The following ANKRD13C variants were observed in gnomAD, a reference collection of about 807,000 sequenced individuals.
ANKRD13C encodes ankyrin repeat domain 13C, also known as ankyrin repeat domain-containing protein 13C.
Under a neutral mutation model 65.5 loss-of-function variants are expected in ANKRD13C, and 16 were observed. That is an observed-to-expected ratio of 0.24 (90% CI 0.17 to 0.37). The LOEUF (loss-of-function observed/expected upper bound fraction) is 0.37. ANKRD13C is among the 10% of genes least tolerant of loss of function. ANKRD13C has a pLI of 1.00. For missense variants in ANKRD13C, 503 were observed against 655.9 expected, an observed-to-expected ratio of 0.77 and a Z score of 2.55; for synonymous variants, 235 against 238.7, an observed-to-expected ratio of 0.98 and a Z score of 0.14.
chr1:70,273,353 T>C (rs1678979569), intron 11 of ANKRD13C, among the ~76,000 whole-genome samples: 1 of 152,220 alleles, frequency 6.6e-6, no homozygotes, highest in South Asian at 2.1e-4. Context: ...CAGTGCTTCA[T>C]CTCCTCCCTC....
At chr1:70,301,047 C>T (rs1412814598) in intron 6 of ANKRD13C, 139 bp from the exon 7 acceptor site, 9 of 749,256 alleles carry the variant, frequency 1.2e-5, no homozygotes, top group Non-Finnish European at 1.8e-5. Context: ...TAGATAAAAA[C>T]AAATTTATAG....
intron 12 of ANKRD13C, among the ~76,000 whole-genome samples, chr1:70,264,199 G>A (rs759070116): frequency 6.6e-6 from 1 of 152,096 alleles, no homozygotes; most frequent in Non-Finnish European, 1.5e-5. Context: ...AATTAGGCTG[G>A]GCGTGGTGGC....
chr1:70,287,553 G>A (rs1679676554), intron 9 of ANKRD13C, among the ~76,000 whole-genome samples: 1 of 152,056 alleles, frequency 6.6e-6, no homozygotes, highest in Non-Finnish European at 1.5e-5. Context: ...CTCAGATTTG[G>A]CATGTGACAT....
chr1:70,345,200 C>A (rs1298663679), intron 1 of ANKRD13C, among the ~76,000 whole-genome samples: 1 of 152,072 alleles, frequency 6.6e-6, no homozygotes. Context: ...GAGGACGAGG[C>A]AAGCAGATCA....
chr1:70,271,715 G>C (rs1421873275), intron 11 of ANKRD13C, among the ~76,000 whole-genome samples: 1 of 152,146 alleles, frequency 6.6e-6, no homozygotes, highest in Non-Finnish European at 1.5e-5. Context: ...GTTTGATCAG[G>C]ATAATTTTTG....
At chr1:70,283,716 G>C (rs959401736) in intron 9 of ANKRD13C, among the ~76,000 whole-genome samples, 42 of 152,134 alleles carry the variant, frequency 2.8e-4, no homozygotes, top group Middle Eastern at 3.4e-3. Flanking sequence ...GCTGAGGCAG[G>C]AGAATTGCTT....
At chr1:70,341,046 G>A (rs1209615498) in intron 1 of ANKRD13C, among the ~76,000 whole-genome samples, 1 of 152,148 alleles carries the variant, frequency 6.6e-6, no homozygotes, top group African/African-American at 2.4e-5. Flanking sequence ...GGAGGCGGAG[G>A]TTGCAGTCAG....
At chr1:70,339,677 CT>C (rs1344671406) in intron 1 of ANKRD13C, among the ~76,000 whole-genome samples, 6 of 151,836 alleles carry the variant, frequency 4.0e-5, no homozygotes, top group Non-Finnish European at 7.4e-5. Context: ...TTGTTTATCT[CT>C]TTTCATTTAT....
At chr1:70,281,587 T>C (rs1452447439) in intron 9 of ANKRD13C, among the ~76,000 whole-genome samples, 2 of 151,408 alleles carry the variant, frequency 1.3e-5, no homozygotes, top group African/African-American at 4.9e-5. Context: ...TTTTTTTTTG[T>C]AGAGACAGAG....
chr1:70,339,823 T>C (rs1426632410), intron 1 of ANKRD13C, among the ~76,000 whole-genome samples: 2 of 96,194 alleles, frequency 2.1e-5, no homozygotes, highest in African/African-American at 7.9e-5. Context: ...TTATTATTAT[T>C]ATTATTATTA....
At chr1:70,301,220 T>TAC (rs879725799) in intron 6 of ANKRD13C, among the ~76,000 whole-genome samples, 2 of 147,470 alleles carry the variant, frequency 1.4e-5, no homozygotes, top group Admixed American at 6.6e-5. Flanking sequence ...CATATATATA[T>TAC]ACACACACAT....
rs1319474688 is a variant in ANKRD13C at position 70,276,918 on chromosome 1, AATACATCGT to A, written c.1216-83_1216-75del. The A allele has an allele frequency of 6.3e-5, 73 of 1,162,470 alleles. No individual in the cohort carries two copies. In the East Asian group the frequency reaches 1.8e-3, roughly 28 times the overall value. The allele number at this position is 1,162,470 out of a possible 1,614,324, so 72.0% of individuals were successfully genotyped here. On this transcript the variant is annotated intron_variant, in intron 9 of 12. Transcript: ENST00000370944. The stretch of plus-strand genomic sequence containing the variant: ...TGTTATTTTTTAAATATAAGATTAA[AATACATCGT>A]AAACTATTAAAACTAACAATCTACT...
At chr1:70,272,701 A>C (rs902855528) in intron 11 of ANKRD13C, among the ~76,000 whole-genome samples, 5 of 151,900 alleles carry the variant, frequency 3.3e-5, no homozygotes. Flanking sequence ...AAATTGGTGA[A>C]TCTTTGGCCA....
At chr1:70,265,940 A>AGAAGGAAGGAAG (rs372808790) in intron 12 of ANKRD13C, among the ~76,000 whole-genome samples, 8,303 of 150,960 alleles carry the variant, frequency 0.055, 752 homozygotes, top group African/African-American at 0.19. Flanking sequence ...AAGGGAGGGA[A>AGAAGGAAGGAAG]GAAGGAAGGA....
chr1:70,296,022 T>G (rs1356174757), intron 8 of ANKRD13C, 108 bp downstream of exon 8: 1 of 1,317,140 alleles, frequency 7.6e-7, no homozygotes, highest in Non-Finnish European at 1.0e-6. Context: ...AGAAAAAAAC[T>G]ACTTGGAGAC....
At chr1:70,278,342 A>C (rs778124874) in intron 9 of ANKRD13C, among the ~76,000 whole-genome samples, 39 of 151,820 alleles carry the variant, frequency 2.6e-4, no homozygotes, top group Non-Finnish European at 4.7e-4. Flanking sequence ...AAAATACAAA[A>C]ATTAGCCAGG....
chr1:70,342,407 G>A (rs186788392), intron 1 of ANKRD13C, among the ~76,000 whole-genome samples: 9 of 152,062 alleles, frequency 5.9e-5, no homozygotes, highest in Non-Finnish European at 1.2e-4. Flanking sequence ...GCATGGTGGC[G>A]CATGCCTATA....
At chr1:70,293,703 G>T in intron 8 of ANKRD13C, 1 of 204,360 alleles carries the variant, frequency 4.9e-6, no homozygotes, top group Non-Finnish European at 8.6e-6. Flanking sequence ...AACTGAGAAT[G>T]CTATAATGCC....
In ANKRD13C at chr1:70,262,548, G is replaced by T; in HGVS notation, c.*169C>A. On this transcript the variant is annotated 3_prime_UTR_variant, in exon 13 of 13. Transcript: ENST00000370944. ...CAAAAAATGGCACATCAGAAAACTCGCTGAAATTCTTATTAGAGGCCCATT... is the reference window on the plus strand; with the variant it reads ...CAAAAAATGGCACATCAGAAAACTCTCTGAAATTCTTATTAGAGGCCCATT... 1 of 613,972 alleles carries T rather than the reference G, an allele frequency of 1.6e-6. No homozygotes were observed. Among genetic ancestry groups the T allele is most frequent in the Non-Finnish European group, 2.5e-6 (1 of 396,310 alleles). The allele number at this position is 613,972 out of a possible 1,614,324, so 38.0% of individuals were successfully genotyped here. A position where few individuals can be genotyped will look rare whatever the true frequency, so the allele number is the denominator to read the frequency against.
Sources: gnomAD v4.1 joint callset for allele counts (sites outside exome capture counted in the v4.1 genomes callset) on GRCh38, gnomAD v4.1.1 for gene constraint, MANE v1.5 for transcripts, NCBI Gene and HGNC (gene_info 2026-07-23, HGNC 2026-07-21) for gene names.